The following GPC5 variants were observed in gnomAD, a reference collection of about 807,000 sequenced individuals.
The protein encoded by GPC5 is glypican 5, also known as glypican-5.
Under a neutral mutation model 53.9 loss-of-function variants are expected in GPC5, and 47 were observed. The observed-to-expected ratio is 0.87, with a 90% CI of 0.69 to 1.11. GPC5 has a LOEUF of 1.11. Ranked by LOEUF, GPC5 falls within the 50% of genes most tolerant of loss-of-function variation. GPC5 has a pLI of 0.00. For missense variants in GPC5, 748 were observed against 713.1 expected, an observed-to-expected ratio of 1.05 and a Z score of -0.56; for synonymous variants, 286 against 263.3, an observed-to-expected ratio of 1.09 and a Z score of -0.84.
chr13:92,304,504 C>T (rs1229086880), intron 7 of GPC5, among the ~76,000 whole-genome samples: 1 of 152,094 alleles, frequency 6.6e-6, no homozygotes, highest in Non-Finnish European at 1.5e-5. Context: ...GCACTCCACC[C>T]TCATTTACTT....
chr13:92,211,304 A>T (rs1051932252), intron 7 of GPC5, among the ~76,000 whole-genome samples: 1 of 152,198 alleles, frequency 6.6e-6, no homozygotes, highest in African/African-American at 2.4e-5. Context: ...AGTCAGTTTT[A>T]TTAAAAGTGT....
intron 7 of GPC5, among the ~76,000 whole-genome samples, chr13:92,703,651 GTTTA>G (rs1290940669): frequency 2.7e-5 from 4 of 149,742 alleles, no homozygotes; most frequent in South Asian, 2.1e-4. Context: ...GATGTTATAA[GTTTA>G]TTTAAAAATT....
chr13:92,673,270 TTTTTTC>T (rs1266383863), intron 7 of GPC5, among the ~76,000 whole-genome samples: 5 of 150,992 alleles, frequency 3.3e-5, no homozygotes, highest in African/African-American at 7.3e-5. Flanking sequence ...AATTACTCTT[TTTTTTC>T]TTTTTCTTTT....
intron 7 of GPC5, among the ~76,000 whole-genome samples, chr13:92,291,382 C>G (rs565732559): frequency 3.3e-4 from 51 of 152,292 alleles, no homozygotes; most frequent in African/African-American, 1.2e-3. Context: ...CACTCTGTAT[C>G]TAGCTCAAGA....
chr13:92,174,667 A>T (rs915727763), intron 7 of GPC5, among the ~76,000 whole-genome samples: 4 of 152,208 alleles, frequency 2.6e-5, no homozygotes, highest in Non-Finnish European at 4.4e-5. Context: ...TAATCACTTT[A>T]TTGAGCACCT....
At chr13:91,520,167 T>A (rs1183844074) in intron 2 of GPC5, among the ~76,000 whole-genome samples, 1 of 152,146 alleles carries the variant, frequency 6.6e-6, no homozygotes, top group Non-Finnish European at 1.5e-5. Flanking sequence ...CACAACTTGA[T>A]ATGGGGTGAA....
chr13:92,602,614 C>T (rs1432840096), intron 7 of GPC5, among the ~76,000 whole-genome samples: 1 of 152,128 alleles, frequency 6.6e-6, no homozygotes, highest in East Asian at 1.9e-4. Context: ...CTTGCAGACT[C>T]TTTCTGAGAA....
In GPC5 at chr13:91,565,428, T is replaced by C. The variant is rs113205681; in HGVS notation, c.325+116506T>C. On this transcript the variant is annotated intron_variant, in intron 2 of 7. Coordinates refer to ENST00000377067, the MANE Select transcript of GPC5 (RefSeq NM_004466.6). ...TTTGGAATTTATACTGCTTAAGCGA[T>C]GTACAGTTGTTAGGCAGACATCGGA... Among the ~76,000 whole-genome samples the C allele has an allele frequency of 6.1e-3, 931 of 152,354 alleles. 8 individuals are homozygous for C. The highest frequency in any genetic ancestry group is 0.02 in the African/African-American group (828 of 41,586).
chr13:91,538,695 G>C (rs1886703660), intron 2 of GPC5, among the ~76,000 whole-genome samples: 1 of 147,734 alleles, frequency 6.8e-6, no homozygotes, highest in Middle Eastern at 3.6e-3. Context: ...CCCTTCTCTT[G>C]CCTCAGCCTC....
chr13:92,616,714 A>G (rs939397344), intron 7 of GPC5, among the ~76,000 whole-genome samples: 1 of 152,218 alleles, frequency 6.6e-6, no homozygotes, highest in Non-Finnish European at 1.5e-5. Context: ...TGGGCATTTT[A>G]TGAGAAACAT....
chr13:92,588,268 T>C (rs775070356), intron 7 of GPC5, among the ~76,000 whole-genome samples: 3 of 152,238 alleles, frequency 2.0e-5, no homozygotes, highest in Non-Finnish European at 2.9e-5. Flanking sequence ...TTCTTTTTTA[T>C]GGCTGCATAG....
At chr13:92,691,583 C>T (rs1887402105) in intron 7 of GPC5, among the ~76,000 whole-genome samples, 1 of 152,096 alleles carries the variant, frequency 6.6e-6, no homozygotes, top group South Asian at 2.1e-4. Flanking sequence ...GCCATCTTGG[C>T]TCCTCCCTCA....
intron 2 of GPC5, among the ~76,000 whole-genome samples, chr13:91,527,571 G>A (rs546616823): frequency 2.6e-5 from 4 of 152,264 alleles, no homozygotes; most frequent in African/African-American, 4.8e-5. Context: ...TCTGCTATTC[G>A]GGCGTCTGGA....
intron 7 of GPC5, among the ~76,000 whole-genome samples, chr13:92,585,890 C>T (rs761407790): frequency 1.2e-4 from 18 of 152,188 alleles, no homozygotes; most frequent in Non-Finnish European, 2.5e-4. Context: ...CTTGTTCATC[C>T]TTGCCATCTG....
chr13:92,649,861 G>T (rs1440692417), intron 7 of GPC5, among the ~76,000 whole-genome samples: 1 of 152,100 alleles, frequency 6.6e-6, no homozygotes, highest in African/African-American at 2.4e-5. Flanking sequence ...TTTAGTTTAT[G>T]ATTATTGTCT....
At chr13:92,584,199 A>G (rs1373915449) in intron 7 of GPC5, among the ~76,000 whole-genome samples, 1 of 152,174 alleles carries the variant, frequency 6.6e-6, no homozygotes, top group Non-Finnish European at 1.5e-5. Flanking sequence ...GAGAGCTCAG[A>G]AGAAGACAGG....
chr13:92,529,305 A>G (rs143155645), intron 7 of GPC5, among the ~76,000 whole-genome samples: 18 of 152,326 alleles, frequency 1.2e-4, no homozygotes, highest in Admixed American at 6.5e-5. Context: ...CATTGAATCT[A>G]TGAAAATAAA....
At position 91,919,909 on chromosome 13, in the gene GPC5, T is replaced by C. The variant is rs191003687; in HGVS notation, c.1401+11852T>C. On this transcript the variant is annotated intron_variant, in intron 6 of 7. Transcript: ENST00000377067. Reference sequence around the variant, plus strand: ...CATGCAGAAAATTAAATGACTCTTCTTTGAAGCAACTGATCAATTCTAGAC... The same window carrying C: ...CATGCAGAAAATTAAATGACTCTTCCTTGAAGCAACTGATCAATTCTAGAC... Among the ~76,000 whole-genome samples the C allele has an allele frequency of 1.4e-4, 22 of 152,302 alleles. No individual in the cohort carries two copies. The East Asian group carries it at 3.7e-3, about 25-fold the overall frequency.
chr13:92,553,937 T>C (rs1882406991), intron 7 of GPC5, among the ~76,000 whole-genome samples: 3 of 151,968 alleles, frequency 2.0e-5, no homozygotes, highest in African/African-American at 7.2e-5. Flanking sequence ...TTTGACAACA[T>C]GACTGATTCC....
Sources: gnomAD v4.1 joint callset for allele counts (sites outside exome capture counted in the v4.1 genomes callset) on GRCh38, gnomAD v4.1.1 for gene constraint, MANE v1.5 for transcripts, NCBI Gene and HGNC (gene_info 2026-07-23, HGNC 2026-07-21) for gene names.